Variants in ARHGAP27 observed in about 807,000 individuals in gnomAD.
The protein encoded by ARHGAP27 is Rho GTPase activating protein 27, also known as rho GTPase-activating protein 27.
In ARHGAP27, 53 loss-of-function variants were observed where a neutral mutation model predicts 102.0. The ratio of observed to expected loss-of-function variants is 0.52; its 90% CI spans 0.42 to 0.65. The LOEUF is 0.65. Among genes scored for constraint, ARHGAP27 ranks in the 30% least tolerant of loss-of-function variants. The probability of loss-of-function intolerance (pLI) is 0.00; values close to 1 mark genes in which losing one functional copy is unlikely to be tolerated. For synonymous variants in ARHGAP27, 525 were observed against 542.8 expected, an observed-to-expected ratio of 0.97 and a Z score of 0.46; for missense variants, 1,117 against 1,256.2, an observed-to-expected ratio of 0.89 and a Z score of 1.68.
chr17:45,397,829 G>A lies in ARHGAP27; in HGVS notation c.1842+120C>T, dbSNP rs1327682776. 5.0e-6 allele frequency: 4 copies of A among 804,616 alleles called. No homozygotes were observed. The South Asian group carries it at 1.0e-4, about 20-fold the overall frequency. The allele number at this position is 804,616 out of a possible 1,614,324, so 49.8% of individuals were successfully genotyped here. A position where few individuals can be genotyped will look rare whatever the true frequency, so the allele number is the denominator to read the frequency against. On this transcript the variant is annotated intron_variant, in intron 13 of 19. Transcript: ENST00000685559. ...GCCTACCCTGCCATCCTAGCCATTA[G>A]TGGGGACTGCATTTGCATTACCCAC...
At chr17:45,429,567 C>T (rs536865774) in intron 4 of ARHGAP27, 56 bp downstream of exon 4, 1 of 1,572,972 alleles carries the variant, frequency 6.4e-7, no homozygotes, top group Admixed American at 1.8e-5. Flanking sequence ...CGGCTCCGTG[C>T]GGGCGCGGTC....
In ARHGAP27 at chr17:45,426,836, C is replaced by G. The variant is rs2049657699; in HGVS notation, c.657+2787G>C. On this transcript the variant is annotated intron_variant, in intron 4 of 19. Transcript: ENST00000685559. ...CCACTGCCCTCTGCCTTCAGCAGCCCCCTGACCAGCTGAGCGTCTAGTGGT... is the reference window on the plus strand; with the variant it reads ...CCACTGCCCTCTGCCTTCAGCAGCCGCCTGACCAGCTGAGCGTCTAGTGGT... Among the ~76,000 whole-genome samples the G allele has an allele frequency of 2.0e-5, 3 of 152,184 alleles. No homozygotes were observed. In the South Asian group the frequency reaches 6.2e-4, roughly 32 times the overall value.
At chr17:45,429,351 A>G (rs1194911871) in intron 4 of ARHGAP27, 1 of 1,195,794 alleles carries the variant, frequency 8.4e-7, no homozygotes, top group Non-Finnish European at 1.1e-6. Flanking sequence ...GCAGCCTCAC[A>G]TCAGTTCAAG....
chr17:45,401,347 G>A (rs1230099), intron 12 of ARHGAP27, among the ~76,000 whole-genome samples: 57,086 of 152,020 alleles, frequency 0.38, 11,263 homozygotes, highest in East Asian at 0.55. Flanking sequence ...TCTAAAAACA[G>A]AAACAAAAAA....
chr17:45,402,059 C>A (rs1366304132), intron 12 of ARHGAP27, among the ~76,000 whole-genome samples: 1 of 152,122 alleles, frequency 6.6e-6, no homozygotes, highest in Non-Finnish European at 1.5e-5. Flanking sequence ...TTGGGAGTAC[C>A]CTTTCTGGGT....
At chr17:45,403,914 G>T (rs1445151170) in intron 10 of ARHGAP27, 115 bp downstream of exon 10, 1 of 1,215,196 alleles carries the variant, frequency 8.2e-7, no homozygotes, top group South Asian at 1.3e-5. Context: ...GTCCACAGAG[G>T]ACCACTCACG....
chr17:45,426,458 T>C (rs1486123572), intron 4 of ARHGAP27, among the ~76,000 whole-genome samples: 2 of 152,006 alleles, frequency 1.3e-5, no homozygotes, highest in Non-Finnish European at 2.9e-5. Flanking sequence ...GACAAGGCTG[T>C]AAAACACCAT....
Position 45,396,026 on chromosome 17 carries a change from G to A in ARHGAP27, c.2343C>T (p.Pro781=). 6.2e-7 allele frequency: 1 copy of A among 1,613,866 alleles called. No homozygotes were observed. Residue 781 remains proline, a synonymous_variant, in exon 18 of 20, where the codon CCC becomes CCT. Coordinates refer to ENST00000685559, the MANE Select transcript of ARHGAP27 (RefSeq NM_001282290.2). The stretch of plus-strand genomic sequence containing the variant: ...GGCGGAAGTGCGAGAAGGGGAAGAG[G>A]GGCTCGGGCAGCTCCCGAAAGAAGA... ...LKLFFRELPE[P]LFPFSHFRQF...
At chr17:45,407,599 C>T (rs1381478254) in intron 4 of ARHGAP27, 2 of 150,606 alleles carry the variant, frequency 1.3e-5, no homozygotes, top group Admixed American at 1.3e-4. Context: ...ACTGCAACCT[C>T]CGCCTCCTGG....
chr17:45,418,701 G>A (rs2048725603), intron 4 of ARHGAP27, among the ~76,000 whole-genome samples: 1 of 152,128 alleles, frequency 6.6e-6, no homozygotes, highest in Non-Finnish European at 1.5e-5. Flanking sequence ...GTGGGTGGGT[G>A]GGACCTGGCT....
Position 45,395,789 on chromosome 17 carries a change from G to A in ARHGAP27, c.2447C>T (p.Ala816Val), listed in dbSNP as rs1168706113. Residue 816 changes from alanine (A) to valine (V), a missense_variant, in exon 19 of 20, where the codon GCT (alanine) becomes GTT (valine). Ala to Val is a moderately conservative substitution (Grantham distance 64, BLOSUM62 0). This residue lies in a region of ARHGAP27 where 493 missense variants were observed against 505.5 expected (regional missense o/e 0.98). Transcript: ENST00000685559. Reference protein sequence around the residue: ...CVRDLVRSLPAPNHDTLRMLF... With the variant: ...CVRDLVRSLPVPNHDTLRMLF... ...CATCCGCAGAGTGTCGTGGTTGGGA[G>A]CGGGCAGCGAGCGCACCAAGTCACG... is the stretch of plus-strand genomic sequence containing the variant. 6.2e-7 allele frequency: 1 copy of A among 1,605,608 alleles called. No individual in the cohort carries two copies. The highest frequency in any genetic ancestry group is 8.5e-7 in the Non-Finnish European group (1 of 1,177,858).
chr17:45,423,736 C>T (rs1294504710), intron 4 of ARHGAP27, among the ~76,000 whole-genome samples: 1 of 152,172 alleles, frequency 6.6e-6, no homozygotes, highest in African/African-American at 2.4e-5. Context: ...CCCAGTACAG[C>T]GGCTGACATT....
intron 13 of ARHGAP27, 33 bp downstream of exon 13, chr17:45,397,916 C>T (rs751846414): frequency 2.6e-6 from 4 of 1,567,084 alleles, no homozygotes; most frequent in Non-Finnish European, 3.5e-6. Context: ...CACCCCCTCC[C>T]CACTGCCCCT....
chr17:45,424,775 T>C (rs567175422), intron 4 of ARHGAP27, among the ~76,000 whole-genome samples: 7 of 152,086 alleles, frequency 4.6e-5, no homozygotes, highest in Non-Finnish European at 7.4e-5. Flanking sequence ...AAAGAACTTA[T>C]TCACGTAACC....
Position 45,396,652 on chromosome 17 carries a change from C to A in ARHGAP27, c.2074+16G>T, listed in dbSNP as rs781617378. The A allele has an allele frequency of 6.2e-7, 1 of 1,613,184 alleles. No individual in the cohort carries two copies. ...GTCCCGGTCCCGGGTCCCCGCCCCCCGCAGGCCTCGGGTACCTTTGATGTA... is the reference window on the plus strand; with the variant it reads ...GTCCCGGTCCCGGGTCCCCGCCCCCAGCAGGCCTCGGGTACCTTTGATGTA... On this transcript the variant is annotated intron_variant, in intron 15 of 19. Transcript: ENST00000685559.
At chr17:45,395,679 G>C (rs757781168) in intron 19 of ARHGAP27, 46 bp from the exon 20 acceptor site, 8 of 1,571,990 alleles carry the variant, frequency 5.1e-6, no homozygotes, top group African/African-American at 2.7e-5. Flanking sequence ...TGCGAACTGC[G>C]GGGAGGCGCT....
At chr17:45,410,859 G>A (rs1304628515) in intron 4 of ARHGAP27, among the ~76,000 whole-genome samples, 6 of 152,032 alleles carry the variant, frequency 3.9e-5, no homozygotes. Flanking sequence ...CAAAGAGGAA[G>A]GGGTCTGGGC....
At chr17:45,415,462 C>T (rs1026374878) in intron 4 of ARHGAP27, among the ~76,000 whole-genome samples, 8 of 152,208 alleles carry the variant, frequency 5.3e-5, no homozygotes, top group South Asian at 2.1e-4. Context: ...ATCAACAACT[C>T]GCAGCACAGT....
At position 45,426,600 on chromosome 17, in the gene ARHGAP27, A is replaced by G. The variant is rs560188419; in HGVS notation, c.657+3023T>C. On this transcript the variant is annotated intron_variant, in intron 4 of 19. Transcript: ENST00000685559. ...TGCCCCCGTGCCATGCCATCCCCAC[A>G]TCCTGCCCCCTCTGTTCTGCACCCA... is the stretch of plus-strand genomic sequence containing the variant. 1.2e-4 allele frequency among the ~76,000 whole-genome samples: 17 copies of G among 140,416 alleles called. 1 individual carries two copies. The highest frequency in any genetic ancestry group is 2.2e-4 in the Admixed American group (3 of 13,860). 92.1% of individuals were successfully genotyped at this position (140,416 alleles called of 152,430 possible).
Sources: allele counts gnomAD v4.1 joint callset (sites outside exome capture counted in the v4.1 genomes callset), GRCh38; gene constraint gnomAD v4.1.1; regional missense constraint gnomAD v4.1.1; transcripts MANE v1.5; gene names NCBI Gene and HGNC (gene_info 2026-07-23, HGNC 2026-07-21).